Variants in EMCN observed in about 807,000 individuals in gnomAD.
EMCN encodes the protein MUC-14.
EMCN carries 37 observed loss-of-function variants against 38.4 expected under a neutral mutation model. That is an observed-to-expected ratio of 0.96 (90% CI 0.74 to 1.27). The LOEUF is 1.27. Among genes scored for constraint, EMCN ranks in the 50% most tolerant of loss-of-function variants. The pLI is 0.00. For missense variants in EMCN, 318 were observed against 302.8 expected, an observed-to-expected ratio of 1.05 and a Z score of -0.37; for synonymous variants, 95 against 100.8, an observed-to-expected ratio of 0.94 and a Z score of 0.35.
Position 100,425,173 on chromosome 4 carries a change from A to ACACACACG in EMCN, c.416-1770_416-1769insCGTGTGTG, listed in dbSNP as rs1727010437. Among the ~76,000 whole-genome samples, 4 of 151,902 alleles carry ACACACACG rather than the reference A, an allele frequency of 2.6e-5. No individual in the cohort carries two copies. In the South Asian group the frequency reaches 8.4e-4, roughly 32 times the overall value. On this transcript the variant is annotated intron_variant, in intron 5 of 11. Coordinates refer to ENST00000296420, the MANE Select transcript of EMCN (RefSeq NM_016242.4). ...AGCACACACACACACACACACACAC[A>ACACACACG]CACACACACACAATTACTGCTCATG...
At chr4:100,407,437 T>C (rs1403414108) in intron 11 of EMCN, among the ~76,000 whole-genome samples, 2 of 152,162 alleles carry the variant, frequency 1.3e-5, no homozygotes, top group Non-Finnish European at 2.9e-5. Flanking sequence ...TCCCTTAGTA[T>C]TTGCTTGTCT....
At chr4:100,457,257 A>G (rs1728044977) in intron 4 of EMCN, among the ~76,000 whole-genome samples, 1 of 151,844 alleles carries the variant, frequency 6.6e-6, no homozygotes, top group Admixed American at 6.6e-5. Context: ...TCATCTGAGA[A>G]CAGAGATCAT....
intron 4 of EMCN, among the ~76,000 whole-genome samples, chr4:100,463,173 A>G (rs1017469649): frequency 6.6e-6 from 1 of 152,190 alleles, no homozygotes; most frequent in Non-Finnish European, 1.5e-5. Context: ...GTCAGAAATT[A>G]TGGGAGTTCT....
At chr4:100,412,462 T>G (rs1030086744) in intron 10 of EMCN, among the ~76,000 whole-genome samples, 1 of 152,164 alleles carries the variant, frequency 6.6e-6, no homozygotes, top group Non-Finnish European at 1.5e-5. Flanking sequence ...AGTCATATAT[T>G]TCTAATTTCA....
chr4:100,484,848 T>C (rs2110285864), intron 1 of EMCN, among the ~76,000 whole-genome samples: 1 of 152,284 alleles, frequency 6.6e-6, no homozygotes, highest in South Asian at 2.1e-4. Context: ...CAGAAGATCA[T>C]AGCACCAATT....
chr4:100,432,877 A>C (rs531118858), intron 5 of EMCN, among the ~76,000 whole-genome samples: 1 of 152,286 alleles, frequency 6.6e-6, no homozygotes, highest in East Asian at 1.9e-4. Context: ...TAAGGTATAC[A>C]ACATGATATT....
At chr4:100,505,978 A>G (rs1187558337) in intron 1 of EMCN, among the ~76,000 whole-genome samples, 5 of 152,216 alleles carry the variant, frequency 3.3e-5, no homozygotes, top group African/African-American at 1.2e-4. Context: ...TAGGTTTCCA[A>G]TAGTTTCATC....
chr4:100,422,824 T>TTTC (rs1256712047), intron 7 of EMCN, among the ~76,000 whole-genome samples, 197 bp downstream of exon 7: 52 of 27,918 alleles, frequency 1.9e-3, no homozygotes, highest in South Asian at 0.011. Context: ...TTTCTTTTCT[T>TTTC]TTTTTTTTTT....
intron 1 of EMCN, among the ~76,000 whole-genome samples, chr4:100,507,089 A>C (rs1729497875): frequency 6.6e-6 from 1 of 152,190 alleles, no homozygotes; most frequent in Admixed American, 6.5e-5. Flanking sequence ...TTCTCTAATA[A>C]AACTATTTTT....
chr4:100,494,973 G>A (rs1398699819), intron 1 of EMCN, among the ~76,000 whole-genome samples: 1 of 151,526 alleles, frequency 6.6e-6, no homozygotes, highest in Non-Finnish European at 1.5e-5. Context: ...ATGAAGGAAG[G>A]GGAACTACAT....
At chr4:100,501,548 A>T (rs1460277462) in intron 1 of EMCN, among the ~76,000 whole-genome samples, 2 of 151,980 alleles carry the variant, frequency 1.3e-5, no homozygotes, top group East Asian at 3.9e-4. Context: ...ATTACTAAGG[A>T]TTTCTTGGTT....
At chr4:100,415,746 C>T in intron 10 of EMCN, 152 bp downstream of exon 10, 1 of 548,752 alleles carries the variant, frequency 1.8e-6, no homozygotes, top group Non-Finnish European at 3.2e-6. Context: ...TTTTTCTTTC[C>T]TTCATGGGAG....
chr4:100,485,088 C>G (rs1004658821), intron 1 of EMCN, among the ~76,000 whole-genome samples: 3 of 152,042 alleles, frequency 2.0e-5, no homozygotes, highest in African/African-American at 7.2e-5. Context: ...ACGGTACATG[C>G]AAAATGCTAA....
chr4:100,445,620 A>G (rs991052015), intron 5 of EMCN, among the ~76,000 whole-genome samples: 2 of 152,178 alleles, frequency 1.3e-5, no homozygotes, highest in African/African-American at 4.8e-5. Context: ...ATTTTTAATA[A>G]TATGCCTGCC....
At chr4:100,415,841 T>G in intron 10 of EMCN, 57 bp downstream of exon 10, 1 of 1,208,424 alleles carries the variant, frequency 8.3e-7, no homozygotes, top group Non-Finnish European at 1.2e-6. Flanking sequence ...AATCCAAGGT[T>G]ATAGTTAGAT....
chr4:100,444,863 G>A (rs1433538717), intron 5 of EMCN, among the ~76,000 whole-genome samples: 1 of 152,136 alleles, frequency 6.6e-6, no homozygotes, highest in Non-Finnish European at 1.5e-5. Context: ...GGATAGCTCA[G>A]TATGTAGACT....
At chr4:100,504,795 C>T (rs2110304321) in intron 1 of EMCN, among the ~76,000 whole-genome samples, 1 of 152,264 alleles carries the variant, frequency 6.6e-6, no homozygotes, top group African/African-American at 2.4e-5. Flanking sequence ...TCTCCCTTTT[C>T]CTGGGGGAGT....
At chr4:100,445,193 TG>T (rs1727634162) in intron 5 of EMCN, among the ~76,000 whole-genome samples, 1 of 152,198 alleles carries the variant, frequency 6.6e-6, no homozygotes, top group Non-Finnish European at 1.5e-5. Flanking sequence ...TTTAGTTTTT[TG>T]TGGGAAGTGG....
rs1304158155 is a variant in EMCN, at chr4:100,421,308, T to C, written c.638A>G (p.Tyr213Cys). Residue 213 changes from tyrosine to cysteine, a missense_variant, in exon 8 of 12, where the codon TAC becomes TGC. Physicochemically the swap from Tyr to Cys is radical, Grantham distance 194. Coordinates refer to ENST00000296420, the MANE Select transcript of EMCN (RefSeq NM_016242.4). ...TLSVFVLVGLYRMCWKADPGT... is the reference protein window; with the variant it reads ...TLSVFVLVGLCRMCWKADPGT... ...CGGATCTGCCTTCCAGCACATTCGG[T>C]ACAAACCCACCAGAACAAATACTGA... The C allele has an allele frequency of 1.9e-6, 3 of 1,612,794 alleles. No homozygotes were observed. Among genetic ancestry groups the C allele is most frequent in the South Asian group, 2.2e-5 (2 of 91,026 alleles).
Sources: gnomAD v4.1 joint callset for allele counts (sites outside exome capture counted in the v4.1 genomes callset) on GRCh38, gnomAD v4.1.1 for gene constraint, MANE v1.5 for transcripts, NCBI Gene and HGNC (gene_info 2026-07-23, HGNC 2026-07-21) for gene names.